MED4: variants seen among roughly 807,000 people sequenced by gnomAD.
MED4 encodes mediator of RNA polymerase II transcription subunit 4.
A neutral mutation model predicts 35.0 loss-of-function variants in MED4; 21 were observed. That is an observed-to-expected ratio of 0.60 (90% CI 0.43 to 0.86). The LOEUF is 0.86. Among genes scored for constraint, MED4 ranks in the 40% least tolerant of loss-of-function variants. MED4 has a pLI of 0.00. For synonymous variants in MED4, 138 were observed against 114.0 expected (o/e 1.21, Z -1.34); for missense variants, 300 against 319.4 (o/e 0.94, Z 0.46).
In MED4 at chr13:48,077,058, C is replaced by T; in HGVS notation, c.*81G>A. The T allele has an allele frequency of 7.9e-7, 1 of 1,261,652 alleles. No homozygotes were observed. The highest frequency in any genetic ancestry group is 1.6e-5 in the South Asian group (1 of 62,616). The allele number at this position is 1,261,652 out of a possible 1,614,324, so 78.2% of individuals were successfully genotyped here. A position where few individuals can be genotyped will look rare whatever the true frequency, so the allele number is the denominator to read the frequency against. On this transcript the variant is annotated 3_prime_UTR_variant, in exon 7 of 7. Transcript: ENST00000258648. The stretch of plus-strand genomic sequence containing the variant: ...TGTTTACCTGGGTATTTTTTGTCAC[C>T]TGTAGTTTACATTTCCCTGCTACTG...
chr13:48,094,460 C>CT (rs1389565404), intron 1 of MED4, among the ~76,000 whole-genome samples: 1 of 152,192 alleles, frequency 6.6e-6, no homozygotes, highest in Non-Finnish European at 1.5e-5. Flanking sequence ...TCTGTGCTGC[C>CT]TAGTGAGTTT....
intron 3 of MED4, among the ~76,000 whole-genome samples, chr13:48,085,163 C>T: frequency 6.7e-6 from 1 of 150,028 alleles, no homozygotes; most frequent in Admixed American, 6.7e-5. Context: ...GCCACTGTGC[C>T]CAGCTAATTT....
In MED4 at chr13:48,091,356, AG is replaced by A. The variant is rs1290023427; in HGVS notation, c.126-939del. 2.0e-5 allele frequency among the ~76,000 whole-genome samples: 3 copies of A among 152,362 alleles called. No homozygotes were observed. The East Asian group carries it at 5.8e-4, about 29-fold the overall frequency. On this transcript the variant is annotated intron_variant, in intron 1 of 6. Coordinates refer to ENST00000258648, the MANE Select transcript of MED4 (RefSeq NM_014166.4). Reference sequence around the variant, plus strand: ...ATATATTAGTTTCAAACTTGTTGATAGATGGGACTTTTGAGAAATTATGCAG... The same window carrying A: ...ATATATTAGTTTCAAACTTGTTGATAATGGGACTTTTGAGAAATTATGCAG...
chr13:48,086,113 G>A (rs1393461937), intron 3 of MED4, among the ~76,000 whole-genome samples, 169 bp downstream of exon 3: 1 of 152,200 alleles, frequency 6.6e-6, no homozygotes, highest in African/African-American at 2.4e-5. Context: ...GTAAAAAAGA[G>A]AATGACAATA....
chr13:48,090,325 T>A, intron 2 of MED4, 27 bp downstream of exon 2: 6 of 1,509,982 alleles, frequency 4.0e-6, no homozygotes, highest in Non-Finnish European at 5.3e-6. Flanking sequence ...AAAGAGAAAT[T>A]AACTAATTTA....
intron 2 of MED4, among the ~76,000 whole-genome samples, chr13:48,089,396 T>C (rs1950874484): frequency 6.6e-6 from 1 of 152,156 alleles, no homozygotes; most frequent in Non-Finnish European, 1.5e-5. Flanking sequence ...CTCCTTTACA[T>C]CATCTTTAGA....
At position 48,091,101 on chromosome 13, in the gene MED4, T is replaced by C. The variant is rs575981553; in HGVS notation, c.126-683A>G. ...TGATTAGTGAATGAACATATGTTTA[T>C]ATATTTTAAGGTAAAATAAAACAAT... On this transcript the variant is annotated intron_variant, in intron 1 of 6. Transcript: ENST00000258648. 6.6e-5 allele frequency among the ~76,000 whole-genome samples: 10 copies of C among 152,360 alleles called. No homozygotes were observed. The South Asian group carries it at 2.1e-3, about 32-fold the overall frequency.
chr13:48,089,823 A>G (rs1183985705), intron 2 of MED4, among the ~76,000 whole-genome samples: 1 of 152,150 alleles, frequency 6.6e-6, no homozygotes, highest in Non-Finnish European at 1.5e-5. Flanking sequence ...CTGAATCAGG[A>G]AAAAAAGTCT....
At position 48,079,278 on chromosome 13, in the gene MED4, T is replaced by C. The variant is rs543579419; in HGVS notation, c.640+566A>G. Among the ~76,000 whole-genome samples the C allele has an allele frequency of 1.2e-4, 19 of 152,292 alleles. 1 individual carries two copies. Among genetic ancestry groups the C allele is most frequent in the African/African-American group, 3.9e-4 (16 of 41,556 alleles). Reference sequence around the variant, plus strand: ...ATTTACATAGCATGTTTCACAATTATAAAAAAGCTATGTTTAGAGCAATAA... The same window carrying C: ...ATTTACATAGCATGTTTCACAATTACAAAAAAGCTATGTTTAGAGCAATAA... On this transcript the variant is annotated intron_variant, in intron 6 of 6. Coordinates refer to ENST00000258648, the MANE Select transcript of MED4 (RefSeq NM_014166.4).
chr13:48,085,566 T>C (rs1950843003), intron 3 of MED4, among the ~76,000 whole-genome samples: 1 of 152,236 alleles, frequency 6.6e-6, no homozygotes, highest in African/African-American at 2.4e-5. Flanking sequence ...TACCCTGAAC[T>C]GCCCAGGCTT....
At chr13:48,083,456 G>A in intron 3 of MED4, 28 bp from the exon 4 acceptor site, 1 of 1,597,778 alleles carries the variant, frequency 6.3e-7, no homozygotes, top group East Asian at 2.2e-5. Context: ...TAAAAAACGT[G>A]GTTTATTCTT....
intron 6 of MED4, 157 bp downstream of exon 6, chr13:48,079,687 C>T (rs908085149): frequency 1.9e-5 from 15 of 784,206 alleles, no homozygotes; most frequent in East Asian, 9.6e-5. Flanking sequence ...TTCGCCAACA[C>T]GCTCCAGCCT....
intron 1 of MED4, chr13:48,093,534 G>C (rs1381666460): frequency 2.2e-6 from 1 of 458,786 alleles, no homozygotes; most frequent in Admixed American, 2.5e-5. Context: ...CACAGAATCA[G>C]TACACATAAC....
chr13:48,091,388 G>C (rs763559847), intron 1 of MED4, among the ~76,000 whole-genome samples: 4 of 152,130 alleles, frequency 2.6e-5, no homozygotes, highest in Non-Finnish European at 5.9e-5. Flanking sequence ...TGCAGAAGGG[G>C]CAGCTTCACA....
chr13:48,079,678 T>C, intron 6 of MED4, 166 bp downstream of exon 6: 1 of 692,230 alleles, frequency 1.4e-6, no homozygotes, highest in Admixed American at 3.3e-5. Context: ...AGCCAAGATT[T>C]CGCCAACACG....
Position 48,077,155 on chromosome 13 carries a change from C to T in MED4, c.797G>A (p.Ser266Asn). The change falls in exon 7 of 7, where the codon AGT becomes AAT. Residue 266 changes from serine (S) to asparagine (N), a missense_variant. By Grantham distance (46) the Ser-to-Asn change is conservative. Transcript: ENST00000258648. Reference protein sequence around the residue: ...EIMSTDSSSSSSESD With the variant: ...EIMSTDSSSSNSESD ...TAAGGTTTTTCAATCAGACTCACTACTACTGCTTGAGGAGTCCGTTGACAT... is the reference window on the plus strand; with the variant it reads ...TAAGGTTTTTCAATCAGACTCACTATTACTGCTTGAGGAGTCCGTTGACAT... 6.2e-7 allele frequency: 1 copy of T among 1,608,958 alleles called. No individual in the cohort carries two copies. The highest frequency in any genetic ancestry group is 8.5e-7 in the Non-Finnish European group (1 of 1,178,216).
Position 48,081,884 on chromosome 13 carries a change from TTAGTA to T in MED4, c.422-158_422-154del, listed in dbSNP as rs1593543406. ...GCCTTCCTTAACAATACCTACATGT[TTAGTA>T]TAAACTTAAATCTCCAAAAACAGGA... On this transcript the variant is annotated intron_variant, in intron 4 of 6. Transcript: ENST00000258648. Among the ~76,000 whole-genome samples the T allele has an allele frequency of 2.6e-5, 4 of 152,340 alleles. No individual in the cohort carries two copies. The East Asian group carries it at 7.7e-4, about 29-fold the overall frequency.
chr13:48,091,981 G>A (rs906101210), intron 1 of MED4, among the ~76,000 whole-genome samples: 1 of 152,224 alleles, frequency 6.6e-6, no homozygotes, highest in Admixed American at 6.5e-5. Flanking sequence ...ATGGAGCTGA[G>A]GAGGTGTAGC....
chr13:48,093,625 T>A (rs1950905015), intron 1 of MED4: 2 of 468,922 alleles, frequency 4.3e-6, no homozygotes, highest in Non-Finnish European at 8.8e-6. Context: ...GAAGTTCCAA[T>A]GATCCGCCCG....
Sources: allele counts gnomAD v4.1 joint callset (sites outside exome capture counted in the v4.1 genomes callset), GRCh38; gene constraint gnomAD v4.1.1; transcripts MANE v1.5; gene names NCBI Gene and HGNC (gene_info 2026-07-23, HGNC 2026-07-21).